The following SPATS2 variants were observed in gnomAD, a reference collection of about 807,000 sequenced individuals.
SPATS2 encodes spermatogenesis associated serine rich 2, also known as spermatogenesis-associated serine-rich protein 2.
SPATS2 carries 38 observed loss-of-function variants against 63.7 expected under a neutral mutation model. The ratio of observed to expected loss-of-function variants is 0.60; its 90% confidence interval spans 0.46 to 0.78. SPATS2 has a LOEUF of 0.78. Among genes scored for constraint, SPATS2 ranks in the 30% least tolerant of loss-of-function variants. The pLI, the probability that SPATS2 is intolerant of heterozygous loss-of-function variation, is 0.00. For missense variants in SPATS2, 588 were observed against 666.2 expected, an observed-to-expected ratio of 0.88 and a Z score of 1.29; for synonymous variants, 207 against 232.9, an observed-to-expected ratio of 0.89 and a Z score of 1.01.
intron 3 of SPATS2, among the ~76,000 whole-genome samples, chr12:49,472,199 G>T (rs1946046489): frequency 6.6e-6 from 1 of 151,780 alleles, no homozygotes; most frequent in Non-Finnish European, 1.5e-5. Context: ...AAAAATAGAG[G>T]AGTATGAGGA....
chr12:49,425,820 CG>C (rs1166297831), intron 2 of SPATS2, among the ~76,000 whole-genome samples: 2 of 151,084 alleles, frequency 1.3e-5, no homozygotes. Flanking sequence ...TTAGTAGAGA[CG>C]GGGGTTTCAC....
intron 8 of SPATS2, among the ~76,000 whole-genome samples, chr12:49,497,641 G>A (rs960384619): frequency 7.9e-5 from 12 of 152,028 alleles, no homozygotes; most frequent in African/African-American, 2.9e-4. Context: ...TGATCCGCCT[G>A]TCTCGGCCTC....
At chr12:49,370,385 A>C (rs1474175652) in intron 1 of SPATS2, among the ~76,000 whole-genome samples, 7 of 152,202 alleles carry the variant, frequency 4.6e-5, no homozygotes. Context: ...CTTTCATTGG[A>C]AACTGGAAGG....
At chr12:49,445,389 T>C (rs115360762) in intron 2 of SPATS2, among the ~76,000 whole-genome samples, 172 of 152,324 alleles carry the variant, frequency 1.1e-3, no homozygotes, top group African/African-American at 4.1e-3. Context: ...TGTGTTACAT[T>C]AATTGGTTTT....
At chr12:49,428,538 T>C (rs1278687780) in intron 2 of SPATS2, among the ~76,000 whole-genome samples, 1 of 152,226 alleles carries the variant, frequency 6.6e-6, no homozygotes, top group African/African-American at 2.4e-5. Flanking sequence ...TTTGTTTCTT[T>C]GTGACTGGCT....
chr12:49,433,960 G>A (rs573313527), intron 2 of SPATS2, among the ~76,000 whole-genome samples: 146 of 152,266 alleles, frequency 9.6e-4, no homozygotes, highest in African/African-American at 3.1e-3. Flanking sequence ...TTTGTGTATG[G>A]TGTAAGGTAA....
At chr12:49,369,803 A>G (rs1430771998) in intron 1 of SPATS2, among the ~76,000 whole-genome samples, 1 of 152,226 alleles carries the variant, frequency 6.6e-6, no homozygotes, top group Non-Finnish European at 1.5e-5. Flanking sequence ...GGTACTGTGC[A>G]TACGTGGCAC....
rs1456901475 is a variant in SPATS2, at chr12:49,476,555, A to G, written c.26-8035A>G. 5.3e-5 allele frequency among the ~76,000 whole-genome samples: 8 copies of G among 152,294 alleles called. No homozygotes were observed. The East Asian group carries it at 1.5e-3, about 29-fold the overall frequency. On this transcript the variant is annotated intron_variant, in intron 3 of 13. Coordinates refer to ENST00000552918, the MANE Select transcript of SPATS2 (RefSeq NM_023071.4). ...GGATGGTAGGTTGCTAAACCGAAAG[A>G]GCATCCTGTAACACACACCCACTGG...
intron 3 of SPATS2, among the ~76,000 whole-genome samples, chr12:49,483,883 T>C (rs1946246958): frequency 6.6e-6 from 1 of 152,244 alleles, no homozygotes; most frequent in South Asian, 2.1e-4. Context: ...TGAAAAGCAC[T>C]CTAACCATTT....
intron 2 of SPATS2, among the ~76,000 whole-genome samples, chr12:49,446,434 G>A (rs1945512606): frequency 6.6e-6 from 1 of 152,206 alleles, no homozygotes; most frequent in Admixed American, 6.5e-5. Flanking sequence ...GGAAGCTCTA[G>A]TGAAGCATTC....
intron 2 of SPATS2, among the ~76,000 whole-genome samples, chr12:49,422,826 C>T (rs1008440301): frequency 6.6e-6 from 1 of 151,796 alleles, no homozygotes; most frequent in Non-Finnish European, 1.5e-5. Context: ...GTAGGAGAAT[C>T]GTTTGAGCCC....
chr12:49,372,886 G>T (rs181226420), intron 2 of SPATS2, among the ~76,000 whole-genome samples: 1 of 151,336 alleles, frequency 6.6e-6, no homozygotes, highest in African/African-American at 2.4e-5. Context: ...GGTTGAAATG[G>T]CTGCAGTGAA....
intron 2 of SPATS2, among the ~76,000 whole-genome samples, chr12:49,383,049 G>T (rs1944249998): frequency 6.7e-6 from 1 of 149,538 alleles, no homozygotes; most frequent in African/African-American, 2.5e-5. Context: ...ACAGAGTCTT[G>T]CTCTGTCACC....
intron 4 of SPATS2, 94 bp from the exon 5 acceptor site, chr12:49,489,371 T>C (rs1374507332): frequency 2.3e-6 from 2 of 878,712 alleles, no homozygotes; most frequent in Non-Finnish European, 3.5e-6. Flanking sequence ...TTGTTAAAAA[T>C]GAAATATCAC....
At chr12:49,471,759 C>T (rs1452591715) in intron 3 of SPATS2, among the ~76,000 whole-genome samples, 1 of 152,106 alleles carries the variant, frequency 6.6e-6, no homozygotes. Context: ...AACTCTATAC[C>T]CATTAAACAG....
chr12:49,367,623 G>T, intron 1 of SPATS2, 36 bp downstream of exon 1: 2 of 394,848 alleles, frequency 5.1e-6, no homozygotes, highest in East Asian at 7.2e-5. Flanking sequence ...GGGTTGGCGG[G>T]GGCTCAGAGG....
At chr12:49,407,057 C>T (rs928518885) in intron 2 of SPATS2, among the ~76,000 whole-genome samples, 1 of 152,212 alleles carries the variant, frequency 6.6e-6, no homozygotes. Flanking sequence ...GACTATCCTT[C>T]CATTTACTTG....
rs1946348946 is a variant in SPATS2 at position 49,489,467 on chromosome 12, A to T, written c.108A>T (p.Ile36=). The T allele has an allele frequency of 6.2e-7, 1 of 1,612,948 alleles. No individual in the cohort carries two copies. The highest frequency in any genetic ancestry group is 1.1e-5 in the South Asian group (1 of 90,840). ...AATGACCCTGTCATCTTTTCCAGAT[A>T]AATGCGGTACGTGCAATAGTTCCTA... ...GGAFENMKEK[I]NAVRAIVPNK... The change falls in exon 5 of 14, where the codon ATA becomes ATT. Residue 36 remains isoleucine (I), a splice_region_variant and synonymous_variant. Transcript: ENST00000552918.
chr12:49,427,820 A>G (rs1223578996), intron 2 of SPATS2, among the ~76,000 whole-genome samples: 1 of 152,168 alleles, frequency 6.6e-6, no homozygotes, highest in Non-Finnish European at 1.5e-5. Flanking sequence ...TAATGTCTGT[A>G]AGATCTATAC....
Sources: allele counts gnomAD v4.1 joint callset (sites outside exome capture counted in the v4.1 genomes callset), GRCh38; gene constraint gnomAD v4.1.1; transcripts MANE v1.5; gene names NCBI Gene and HGNC (gene_info 2026-07-23, HGNC 2026-07-21).